Variants in GRID2 observed in about 807,000 individuals in gnomAD.
GRID2 encodes glutamate ionotropic receptor delta type subunit 2.
In GRID2, 33 loss-of-function variants were observed where a neutral mutation model predicts 114.8. The ratio of observed to expected loss-of-function variants is 0.29; its 90% CI spans 0.22 to 0.38. GRID2 has a LOEUF of 0.38. GRID2 is among the 10% of genes least tolerant of loss of function. GRID2 has a pLI of 1.00. For synonymous variants in GRID2, 505 were observed against 449.9 expected, an observed-to-expected ratio of 1.12 and a Z score of -1.55; for missense variants, 1,184 against 1,257.7, an observed-to-expected ratio of 0.94 and a Z score of 0.89.
intron 4 of GRID2, among the ~76,000 whole-genome samples, chr4:93,150,798 T>C (rs905348265): frequency 6.6e-6 from 1 of 152,016 alleles, no homozygotes; most frequent in African/African-American, 2.4e-5. Flanking sequence ...CTAGGGCATG[T>C]AGAAACTCTC....
At chr4:92,639,937 T>C (rs921281641) in intron 2 of GRID2, among the ~76,000 whole-genome samples, 1 of 151,802 alleles carries the variant, frequency 6.6e-6, no homozygotes, top group Admixed American at 6.6e-5. Context: ...TTCGTATGTG[T>C]ATTATGTAAA....
chr4:93,763,201 T>G (rs112591187), intron 14 of GRID2, among the ~76,000 whole-genome samples: 3 of 152,088 alleles, frequency 2.0e-5, no homozygotes. Flanking sequence ...CTGTCCTCCA[T>G]AAATCCTGAT....
At chr4:93,456,220 A>G (rs555846504) in intron 11 of GRID2, among the ~76,000 whole-genome samples, 1 of 152,276 alleles carries the variant, frequency 6.6e-6, no homozygotes, top group African/African-American at 2.4e-5. Flanking sequence ...GCAAATGTGA[A>G]TGTCAAAGGT....
chr4:93,586,734 C>G (rs1737572792), intron 13 of GRID2, among the ~76,000 whole-genome samples: 1 of 152,056 alleles, frequency 6.6e-6, no homozygotes, highest in Admixed American at 6.6e-5. Context: ...ACCTTCTGTT[C>G]CACTGGACCT....
intron 1 of GRID2, among the ~76,000 whole-genome samples, chr4:92,554,834 T>C (rs1034085865): frequency 2.0e-5 from 3 of 152,204 alleles, no homozygotes; most frequent in African/African-American, 7.2e-5. Flanking sequence ...TCTATCGTTA[T>C]GTATTTGTGT....
chr4:92,809,384 T>C (rs1740560579), intron 2 of GRID2, among the ~76,000 whole-genome samples: 1 of 151,964 alleles, frequency 6.6e-6, no homozygotes, highest in African/African-American at 2.4e-5. Context: ...GGAATAAATA[T>C]TTATTAGAAT....
intron 14 of GRID2, among the ~76,000 whole-genome samples, chr4:93,652,807 A>G (rs1354910875): frequency 7.8e-5 from 9 of 115,326 alleles, no homozygotes; most frequent in Admixed American, 7.4e-4. Flanking sequence ...AAAAAAAAAA[A>G]AAAAATGAAC....
intron 2 of GRID2, among the ~76,000 whole-genome samples, chr4:93,069,834 A>T (rs1728656702): frequency 6.6e-6 from 1 of 152,142 alleles, no homozygotes; most frequent in African/African-American, 2.4e-5. Flanking sequence ...ACTAAAAATC[A>T]AGATTCCTCA....
At chr4:93,193,432 T>A (rs1741188127) in intron 4 of GRID2, among the ~76,000 whole-genome samples, 2 of 152,076 alleles carry the variant, frequency 1.3e-5, no homozygotes, top group South Asian at 4.2e-4. Context: ...GTGAGTGAGT[T>A]CTTACGAGAT....
chr4:93,309,769 A>T (rs1022873650), intron 8 of GRID2, among the ~76,000 whole-genome samples: 7 of 152,190 alleles, frequency 4.6e-5, no homozygotes, highest in Non-Finnish European at 1.0e-4. Flanking sequence ...AGTTTTAAAG[A>T]TTCAATAAAC....
chr4:93,217,050 T>C (rs1579319841), intron 6 of GRID2, 139 bp downstream of exon 6: 1 of 572,692 alleles, frequency 1.7e-6, no homozygotes, highest in Non-Finnish European at 3.1e-6. Flanking sequence ...ATAAGTCTAA[T>C]GGGGAGAAAG....
At chr4:93,315,779 T>C (rs1251281120) in intron 8 of GRID2, among the ~76,000 whole-genome samples, 1 of 152,166 alleles carries the variant, frequency 6.6e-6, no homozygotes, top group African/African-American at 2.4e-5. Context: ...CTATACTAAG[T>C]GTTAAAAAGA....
chr4:93,565,112 T>C (rs1049750681), intron 13 of GRID2, among the ~76,000 whole-genome samples: 11 of 152,072 alleles, frequency 7.2e-5, no homozygotes, highest in Non-Finnish European at 1.2e-4. Context: ...ATTTCCTTAC[T>C]AAAAGATTTT....
intron 10 of GRID2, among the ~76,000 whole-genome samples, chr4:93,428,518 T>G (rs955892998): frequency 7.9e-5 from 12 of 152,272 alleles, no homozygotes; most frequent in Admixed American, 4.6e-4. Flanking sequence ...TTATAGTCAC[T>G]GGTTATTTAA....
At chr4:92,864,144 G>A (rs960542865) in intron 2 of GRID2, among the ~76,000 whole-genome samples, 6 of 152,248 alleles carry the variant, frequency 3.9e-5, no homozygotes, top group South Asian at 2.1e-4. Context: ...AACAGGCATA[G>A]CTGCCATTTG....
intron 1 of GRID2, among the ~76,000 whole-genome samples, chr4:92,348,795 A>G (rs924183289): frequency 2.6e-5 from 4 of 152,180 alleles, no homozygotes; most frequent in Admixed American, 2.6e-4. Flanking sequence ...GATAACAACC[A>G]AAAGTTGTCC....
intron 1 of GRID2, among the ~76,000 whole-genome samples, chr4:92,579,296 A>T (rs1182810174): frequency 1.3e-5 from 2 of 152,028 alleles, no homozygotes; most frequent in Non-Finnish European, 2.9e-5. Context: ...TGTATACTCT[A>T]TCATCGCTTT....
intron 8 of GRID2, among the ~76,000 whole-genome samples, chr4:93,258,267 C>A (rs548843455): frequency 1.5e-4 from 23 of 151,420 alleles, no homozygotes; most frequent in African/African-American, 5.1e-4. Flanking sequence ...AAAAGACAAA[C>A]TTTTCACTTG....
At chr4:93,469,605 C>T (rs1286856649) in intron 11 of GRID2, among the ~76,000 whole-genome samples, 1 of 152,066 alleles carries the variant, frequency 6.6e-6, no homozygotes, top group African/African-American at 2.4e-5. Flanking sequence ...AAGGCCAACT[C>T]TTTCCATTTA....
Sources: gnomAD v4.1 joint callset for allele counts (sites outside exome capture counted in the v4.1 genomes callset) on GRCh38, gnomAD v4.1.1 for gene constraint, MANE v1.5 for transcripts, NCBI Gene and HGNC (gene_info 2026-07-23, HGNC 2026-07-21) for gene names.